Variants in SHTN1 observed in about 807,000 individuals in gnomAD.
SHTN1 encodes the protein shootin-1.
In SHTN1, 42 loss-of-function variants were observed where a neutral mutation model predicts 83.1. The observed-to-expected ratio is 0.51, with a 90% CI of 0.39 to 0.65. The LOEUF is 0.65. Among genes scored for constraint, SHTN1 ranks in the 30% least tolerant of loss-of-function variants. The pLI is 0.00. For synonymous variants in SHTN1, 224 were observed against 247.7 expected (o/e 0.90, Z 0.90); for missense variants, 622 against 737.8 (o/e 0.84, Z 1.82).
At chr10:116,915,126 T>A (rs1848340057) in intron 13 of SHTN1, among the ~76,000 whole-genome samples, 1 of 152,166 alleles carries the variant, frequency 6.6e-6, no homozygotes, top group Non-Finnish European at 1.5e-5. Flanking sequence ...GGTGTAACAG[T>A]TCGTATCACT....
intron 1 of SHTN1, among the ~76,000 whole-genome samples, chr10:116,998,626 G>C (rs1264541699): frequency 1.3e-5 from 2 of 152,156 alleles, no homozygotes; most frequent in African/African-American, 4.8e-5. Flanking sequence ...TGCAGGTGTT[G>C]AAACATAGCT....
rs1200926247 is a variant in SHTN1, at chr10:116,884,411, A to G, written c.*1933T>C. 1 of 370,840 alleles carries G rather than the reference A, an allele frequency of 2.7e-6. No individual in the cohort carries two copies. The highest frequency in any genetic ancestry group is 2.1e-5 in the African/African-American group (1 of 47,334). The allele number at this position is 370,840 out of a possible 1,614,324, so 23.0% of individuals were successfully genotyped here. ...GTAATCACAGTGAGAGAAAGTAAGC[A>G]GCTTAAAAAAGGCAGGAATACTTTC... On this transcript the variant is annotated 3_prime_UTR_variant, in exon 17 of 17. Coordinates refer to ENST00000355371, the MANE Select transcript of SHTN1 (RefSeq NM_001127211.3).
intron 2 of SHTN1, among the ~76,000 whole-genome samples, chr10:117,027,245 A>G (rs890768407): frequency 1.3e-5 from 2 of 152,016 alleles, no homozygotes; most frequent in Non-Finnish European, 2.9e-5. Flanking sequence ...TCTCATGAAT[A>G]GTTTAGCACC....
chr10:117,038,100 T>C (rs546301594), intron 2 of SHTN1, among the ~76,000 whole-genome samples: 3 of 149,444 alleles, frequency 2.0e-5, no homozygotes, highest in East Asian at 2.0e-4. Context: ...GAAGATAACA[T>C]AGAAGAAACT....
chr10:116,929,796 T>C, intron 10 of SHTN1, 53 bp downstream of exon 10: 5 of 1,273,506 alleles, frequency 3.9e-6, no homozygotes, highest in Non-Finnish European at 5.4e-6. Context: ...GTACTAGGCA[T>C]GAGTAATTCA....
chr10:116,889,772 T>G (rs1229736778), intron 16 of SHTN1, among the ~76,000 whole-genome samples: 5 of 152,222 alleles, frequency 3.3e-5, no homozygotes, highest in African/African-American at 1.2e-4. Context: ...TTTCATTCTT[T>G]CCGAATCCGT....
chr10:116,890,716 C>T (rs1426808467), intron 16 of SHTN1, among the ~76,000 whole-genome samples: 2 of 152,198 alleles, frequency 1.3e-5, no homozygotes, highest in Non-Finnish European at 2.9e-5. Flanking sequence ...GCCCCTACTG[C>T]AAGAGAGCCC....
chr10:117,045,097 G>T (rs1361941482), intron 2 of SHTN1, among the ~76,000 whole-genome samples: 1 of 152,056 alleles, frequency 6.6e-6, no homozygotes, highest in African/African-American at 2.4e-5. Context: ...TATAAGAAAT[G>T]GAAATTTGTA....
intron 7 of SHTN1, among the ~76,000 whole-genome samples, chr10:116,946,723 A>T (rs965424380): frequency 1.4e-5 from 2 of 147,898 alleles, no homozygotes; most frequent in African/African-American, 2.5e-5. Flanking sequence ...TTATTTATTT[A>T]TTTTTTGAGA....
intron 1 of SHTN1, among the ~76,000 whole-genome samples, chr10:117,081,786 T>C (rs1235102317): frequency 6.7e-6 from 1 of 149,862 alleles, no homozygotes. Context: ...GTCAAGGAAT[T>C]TATCCATTTC....
At chr10:116,933,311 C>G (rs2133383649) in intron 9 of SHTN1, among the ~76,000 whole-genome samples, 1 of 152,134 alleles carries the variant, frequency 6.6e-6, no homozygotes, top group Non-Finnish European at 1.5e-5. Flanking sequence ...AATGCTATCC[C>G]TCCCCTTGCC....
At chr10:116,989,307 G>A (rs1851333129) in intron 1 of SHTN1, among the ~76,000 whole-genome samples, 1 of 152,070 alleles carries the variant, frequency 6.6e-6, no homozygotes, top group African/African-American at 2.4e-5. Context: ...GACTTCCTTA[G>A]TTTTTACATA....
intron 1 of SHTN1, among the ~76,000 whole-genome samples, chr10:117,117,225 T>C (rs1219350504): frequency 6.6e-6 from 1 of 151,888 alleles, no homozygotes; most frequent in Non-Finnish European, 1.5e-5. Flanking sequence ...GAATACAAAA[T>C]CAACATACAA....
chr10:116,896,929 C>A (rs1847543356), intron 16 of SHTN1, among the ~76,000 whole-genome samples: 1 of 152,008 alleles, frequency 6.6e-6, no homozygotes, highest in Non-Finnish European at 1.5e-5. Context: ...GCCTCAGCCT[C>A]CTAAGTAGCT....
chr10:117,017,217 C>T (rs749958422), intron 2 of SHTN1, among the ~76,000 whole-genome samples: 78 of 152,092 alleles, frequency 5.1e-4, no homozygotes, highest in Non-Finnish European at 9.0e-4. Flanking sequence ...CAAGGCCGGG[C>T]GCGGTGGCTC....
rs1848564410 is a variant in SHTN1 at position 116,921,483 on chromosome 10, G to A, written c.1146C>T (p.His382=). The part of the protein sequence containing the change: ...SLMSMIRKRS[H]PSGSGAKKEK... ...CTTTCTTAGCACCACTGCCACTGGG[G>A]TGGGATCGTTTCCGGATCATGGACA... is the stretch of plus-strand genomic sequence containing the variant. The change falls in exon 12 of 17, where the codon CAC becomes CAT. Residue 382 remains histidine, a synonymous_variant. Transcript: ENST00000355371. 6.2e-7 allele frequency: 1 copy of A among 1,613,712 alleles called. No individual in the cohort carries two copies. The highest frequency in any genetic ancestry group is 8.5e-7 in the Non-Finnish European group (1 of 1,179,872).
chr10:116,943,413 C>G (rs1589828716), intron 8 of SHTN1, among the ~76,000 whole-genome samples: 1 of 152,134 alleles, frequency 6.6e-6, no homozygotes, highest in Non-Finnish European at 1.5e-5. Flanking sequence ...CAAAATCAGC[C>G]GACCTTTCCA....
intron 8 of SHTN1, among the ~76,000 whole-genome samples, chr10:116,941,890 T>C (rs1471064383): frequency 1.3e-5 from 2 of 152,226 alleles, no homozygotes; most frequent in Non-Finnish European, 2.9e-5. Flanking sequence ...TCAGAAGCTT[T>C]CCTTCTTTGC....
In SHTN1 at chr10:116,962,812, T is replaced by C. The variant is rs77662072; in HGVS notation, c.173-2582A>G. Among the ~76,000 whole-genome samples the C allele has an allele frequency of 7.0e-3, 1,061 of 152,196 alleles. 18 individuals carry two copies. Among genetic ancestry groups the C allele is most frequent in the African/African-American group, 0.025 (1,025 of 41,520 alleles). ...AGAGAACAGTAGACATTTTTTTAAA[T>C]TGCGCATTAATTTTTAGTTTAAGAA... On this transcript the variant is annotated intron_variant, in intron 3 of 16. Transcript: ENST00000355371.
Sources: allele counts gnomAD v4.1 joint callset (sites outside exome capture counted in the v4.1 genomes callset), GRCh38; gene constraint gnomAD v4.1.1; transcripts MANE v1.5; gene names NCBI Gene and HGNC (gene_info 2026-07-23, HGNC 2026-07-21).